Variants in ADAMTSL1 observed in about 807,000 individuals in gnomAD.
ADAMTSL1 encodes ADAMTS like 1.
In ADAMTSL1, 126 loss-of-function variants were observed where a neutral mutation model predicts 201.8. The observed-to-expected ratio is 0.62, with a 90% CI of 0.54 to 0.72. The LOEUF is 0.72. ADAMTSL1 is among the 30% of genes least tolerant of loss of function. The pLI is 0.00. For missense variants in ADAMTSL1, 2,679 were observed against 2,277.8 expected, an observed-to-expected ratio of 1.18 and a Z score of -3.59; for synonymous variants, 1,121 against 903.4, an observed-to-expected ratio of 1.24 and a Z score of -4.32.
At chr9:18,390,330 T>A (rs1171415409) in intron 2 of ADAMTSL1, among the ~76,000 whole-genome samples, 3 of 152,184 alleles carry the variant, frequency 2.0e-5, no homozygotes, top group African/African-American at 7.2e-5. Context: ...ATGCTAATCT[T>A]AACAACTAGC....
intron 3 of ADAMTSL1, among the ~76,000 whole-genome samples, chr9:18,537,839 A>G (rs556747311): frequency 6.6e-6 from 1 of 151,092 alleles, no homozygotes; most frequent in African/African-American, 2.4e-5. Flanking sequence ...ACACCACTGC[A>G]CTCAAGACTG....
At chr9:18,070,688 GAGA>G (rs1197052233) in intron 1 of ADAMTSL1, among the ~76,000 whole-genome samples, 2 of 152,166 alleles carry the variant, frequency 1.3e-5, no homozygotes, top group Non-Finnish European at 2.9e-5. Flanking sequence ...AGCCCCTTGG[GAGA>G]AGGAGTCTTA....
chr9:18,169,708 C>T (rs1283680615), intron 2 of ADAMTSL1, among the ~76,000 whole-genome samples: 1 of 152,020 alleles, frequency 6.6e-6, no homozygotes, highest in Non-Finnish European at 1.5e-5. Context: ...CTATAAATTA[C>T]CTTGGGCAGT....
At chr9:18,044,534 T>C (rs10810893) in intron 1 of ADAMTSL1, among the ~76,000 whole-genome samples, 57,329 of 151,938 alleles carry the variant, frequency 0.38, 11,429 homozygotes, top group Non-Finnish European at 0.45. Flanking sequence ...AATAATCTAC[T>C]CAGATGATTG....
At chr9:18,035,548 G>A (rs994040300) in intron 1 of ADAMTSL1, among the ~76,000 whole-genome samples, 23 of 152,106 alleles carry the variant, frequency 1.5e-4, no homozygotes, top group African/African-American at 5.3e-4. Flanking sequence ...ACCTCATCAA[G>A]TCTTTGTTCA....
At chr9:18,859,908 G>A (rs1483517863) in intron 23 of ADAMTSL1, among the ~76,000 whole-genome samples, 1 of 152,012 alleles carries the variant, frequency 6.6e-6, no homozygotes, top group African/African-American at 2.4e-5. Flanking sequence ...TTACATAGTG[G>A]TGAATCCTGA....
chr9:18,484,760 T>C lies in ADAMTSL1; in HGVS notation c.63+10465T>C, dbSNP rs185137860. ...GCTGCAGGCTCCAGGATTTTGATTT[T>C]AAGAAACTCGATCAGTGGGTTTTGC... is the stretch of plus-strand genomic sequence containing the variant. On this transcript the variant is annotated intron_variant, in intron 1 of 28. Transcript: ENST00000380548. Among the ~76,000 whole-genome samples, 39 of 152,326 alleles carry C rather than the reference T, an allele frequency of 2.6e-4. No homozygotes were observed. In the East Asian group the frequency reaches 6.7e-3, roughly 26 times the overall value.
intron 2 of ADAMTSL1, among the ~76,000 whole-genome samples, chr9:18,227,761 C>T (rs1043684399): frequency 2.0e-5 from 3 of 152,164 alleles, no homozygotes; most frequent in Non-Finnish European, 2.9e-5. Context: ...TCCTCAACTC[C>T]CCTAGTGCCT....
chr9:18,242,160 T>G (rs546895254), intron 2 of ADAMTSL1, among the ~76,000 whole-genome samples: 2 of 152,116 alleles, frequency 1.3e-5, no homozygotes, highest in African/African-American at 4.8e-5. Flanking sequence ...AGATTTCATA[T>G]CATGAACAAA....
At chr9:18,225,662 A>G (rs946033229) in intron 2 of ADAMTSL1, among the ~76,000 whole-genome samples, 1 of 152,114 alleles carries the variant, frequency 6.6e-6, no homozygotes, top group African/African-American at 2.4e-5. Context: ...GAGTTTCTGT[A>G]ATTTTAGCTT....
intron 3 of ADAMTSL1, among the ~76,000 whole-genome samples, chr9:18,556,637 A>AT (rs1230148334): frequency 6.6e-6 from 1 of 151,984 alleles, no homozygotes; most frequent in African/African-American, 2.4e-5. Flanking sequence ...ACATTTCTCT[A>AT]TTTTTTAAGT....
chr9:18,671,523 T>C (rs1829810655), intron 9 of ADAMTSL1, among the ~76,000 whole-genome samples: 1 of 152,090 alleles, frequency 6.6e-6, no homozygotes. Context: ...GTACAGTGGA[T>C]AGGAGAATTG....
At chr9:18,104,222 T>G (rs1342204342) in intron 1 of ADAMTSL1, among the ~76,000 whole-genome samples, 2 of 152,190 alleles carry the variant, frequency 1.3e-5, no homozygotes, top group African/African-American at 4.8e-5. Flanking sequence ...TCCAGACCTC[T>G]TCTCTGCTGA....
chr9:18,538,967 T>A (rs1041134731), intron 3 of ADAMTSL1, among the ~76,000 whole-genome samples: 1 of 152,138 alleles, frequency 6.6e-6, no homozygotes, highest in Non-Finnish European at 1.5e-5. Flanking sequence ...TCTAGAGAGA[T>A]GCTCTAGTAA....
At chr9:18,291,751 A>ACG (rs1833281273) in intron 2 of ADAMTSL1, among the ~76,000 whole-genome samples, 1 of 119,474 alleles carries the variant, frequency 8.4e-6, no homozygotes, top group African/African-American at 3.4e-5. Flanking sequence ...TCTCTCTCAC[A>ACG]CACACACACA....
chr9:18,542,942 A>C (rs1186971394), intron 3 of ADAMTSL1, among the ~76,000 whole-genome samples: 1 of 152,106 alleles, frequency 6.6e-6, no homozygotes, highest in African/African-American at 2.4e-5. Context: ...CTGGAAGGAG[A>C]ATGTTAGACC....
At chr9:18,734,161 T>C (rs986630477) in intron 15 of ADAMTSL1, among the ~76,000 whole-genome samples, 1 of 152,132 alleles carries the variant, frequency 6.6e-6, no homozygotes. Context: ...TGAGGAGAAG[T>C]GTGTTAAGCG....
At chr9:18,434,146 C>T (rs1010587714) in intron 2 of ADAMTSL1, among the ~76,000 whole-genome samples, 2 of 152,130 alleles carry the variant, frequency 1.3e-5, no homozygotes, top group African/African-American at 2.4e-5. Flanking sequence ...TTTAGCCCTA[C>T]GTTTAGTTCT....
At chr9:17,933,329 T>C (rs1422393497) in intron 1 of ADAMTSL1, among the ~76,000 whole-genome samples, 3 of 152,154 alleles carry the variant, frequency 2.0e-5, no homozygotes, top group African/African-American at 7.2e-5. Context: ...ATCTCTCTTG[T>C]GATGGCATTT....
Sources: gnomAD v4.1 joint callset for allele counts (sites outside exome capture counted in the v4.1 genomes callset) on GRCh38, gnomAD v4.1.1 for gene constraint, MANE v1.5 for transcripts, NCBI Gene and HGNC (gene_info 2026-07-23, HGNC 2026-07-21) for gene names.